The following CC2D1A variants were observed in gnomAD, a reference collection of about 807,000 sequenced individuals.
CC2D1A encodes the protein coiled-coil and C2 domain-containing protein 1A.
In CC2D1A, 68 loss-of-function variants were observed where a neutral mutation model predicts 123.8. That is an observed-to-expected ratio of 0.55 (90% confidence interval 0.45 to 0.67). The LOEUF (loss-of-function observed/expected upper bound fraction) is 0.67, where lower values mean the gene tolerates loss of function less well. CC2D1A is among the 30% of genes least tolerant of loss of function. The pLI is 0.00. For synonymous variants in CC2D1A, 477 were observed against 528.0 expected (o/e 0.90, Z 1.32); for missense variants, 1,185 against 1,290.3 (o/e 0.92, Z 1.25).
intron 17 of CC2D1A, among the ~76,000 whole-genome samples, chr19:13,925,670 G>A (rs1303427225): frequency 6.6e-6 from 1 of 151,496 alleles, no homozygotes; most frequent in Admixed American, 6.6e-5. Flanking sequence ...ATTAAGTGAG[G>A]CCAGGCTGGG....
At position 13,930,472 on chromosome 19, in the gene CC2D1A, C is replaced by A; in HGVS notation, c.*77C>A. ...CGGGAAGAGCCGACACAGCCACGAA[C>A]CAGACAAGCAGACAATCAGCGGACA... is the stretch of plus-strand genomic sequence containing the variant. On this transcript the variant is annotated 3_prime_UTR_variant, in exon 29 of 29. Transcript: ENST00000318003. The surrounding 1 kb of genome is among the most constrained non-coding windows in gnomAD (Gnocchi z 6.8). 6.9e-7 allele frequency: 1 copy of A among 1,454,182 alleles called. No individual in the cohort carries two copies. Among genetic ancestry groups the A allele is most frequent in the Non-Finnish European group, 9.2e-7 (1 of 1,086,568 alleles). 90.1% of individuals were successfully genotyped at this position (1,454,182 alleles called of 1,614,324 possible). A position where few individuals can be genotyped will look rare whatever the true frequency, so the allele number is the denominator to read the frequency against.
intron 17 of CC2D1A, 139 bp from the exon 18 acceptor site, chr19:13,926,378 C>T (rs1249352058): frequency 3.0e-6 from 2 of 666,262 alleles, no homozygotes; most frequent in East Asian, 5.4e-5. Context: ...TAAAATGAGC[C>T]CAGGAGCTGA....
chr19:13,906,364 C>T lies in CC2D1A; in HGVS notation c.-78C>T, dbSNP rs563752635. The stretch of plus-strand genomic sequence containing the variant: ...GTGCAGGACTCAGGAAGGGCGAGTG[C>T]GCGGCGACAGAGCCCGGGGAAGGAG... On this transcript the variant is annotated 5_prime_UTR_variant, in exon 1 of 29. Transcript: ENST00000318003. The surrounding 1 kb of genome is among the most constrained non-coding windows in gnomAD (Gnocchi z 4.1). 1.5e-5 allele frequency: 18 copies of T among 1,227,130 alleles called. No homozygotes were observed. The South Asian group carries it at 1.5e-4, about 10-fold the overall frequency. 76.0% of individuals were successfully genotyped at this position (1,227,130 alleles called of 1,614,324 possible). A position where few individuals can be genotyped will look rare whatever the true frequency, so the allele number is the denominator to read the frequency against.
Position 13,906,742 on chromosome 19 carries a change from G to A in CC2D1A, c.60+241G>A, listed in dbSNP as rs535079081. ...TGTTGCCACAGCTGCTCCAGTCGAG[G>A]AGGGGCAGTCCTCGGACTTGACACA... On this transcript the variant is annotated intron_variant, in intron 1 of 28. Transcript: ENST00000318003. The surrounding 1 kb of genome is among the most constrained non-coding windows in gnomAD (Gnocchi z 4.1). Among the ~76,000 whole-genome samples the A allele has an allele frequency of 2.0e-5, 3 of 152,366 alleles. No homozygotes were observed. The highest frequency in any genetic ancestry group is 7.2e-5 in the African/African-American group (3 of 41,592).
intron 22 of CC2D1A, 97 bp from the exon 23 acceptor site, chr19:13,927,795 AC>A: frequency 4.9e-6 from 6 of 1,235,684 alleles, no homozygotes; most frequent in African/African-American, 3.3e-5. Context: ...AAAAAAAAAA[AC>A]CAAAAAAAAA....
At chr19:13,916,488 T>C (rs1397668988) in intron 6 of CC2D1A, among the ~76,000 whole-genome samples, 2 of 151,798 alleles carry the variant, frequency 1.3e-5, no homozygotes, top group African/African-American at 4.8e-5. Context: ...CACTTGAGCC[T>C]GGAAGGTTGA....
At chr19:13,928,497 AG>A (rs1459380291) in intron 24 of CC2D1A, among the ~76,000 whole-genome samples, 1 of 151,250 alleles carries the variant, frequency 6.6e-6, no homozygotes, top group African/African-American at 2.4e-5. Context: ...ACCCCTACCT[AG>A]GGTAGGGGTG....
chr19:13,910,012 G>A (rs1029154131), intron 2 of CC2D1A, 54 bp downstream of exon 2: 40 of 1,480,646 alleles, frequency 2.7e-5, no homozygotes, highest in South Asian at 2.2e-4. Context: ...CAAGTGGTTC[G>A]GGCGCAGAAC....
chr19:13,927,869 C>G (rs1971702032), intron 22 of CC2D1A, 24 bp from the exon 23 acceptor site: 1 of 1,610,142 alleles, frequency 6.2e-7, no homozygotes. Flanking sequence ...TTCCCACCAA[C>G]AGTTTCTCCT....
chr19:13,930,362 T>A lies in CC2D1A; in HGVS notation c.2836-13T>A, dbSNP rs753106611. ...GCCCACCTCCATGACCCCAGTGGCC[T>A]CCTCTCCCCCAGCTGCAGCGGCTCC... is the stretch of plus-strand genomic sequence containing the variant. On this transcript the variant is annotated splice_polypyrimidine_tract_variant and intron_variant, in intron 28 of 28. Coordinates refer to ENST00000318003, the MANE Select transcript of CC2D1A (RefSeq NM_017721.5). The surrounding 1 kb of genome is among the most constrained non-coding windows in gnomAD (Gnocchi z 6.8). The A allele has an allele frequency of 1.9e-6, 3 of 1,613,268 alleles. No individual in the cohort carries two copies. In the East Asian group the frequency reaches 6.7e-5, roughly 36 times the overall value.
At position 13,906,778 on chromosome 19, in the gene CC2D1A, G is replaced by C. The variant is rs1406326745; in HGVS notation, c.60+277G>C. Among the ~76,000 whole-genome samples, 1 of 152,216 alleles carries C rather than the reference G, an allele frequency of 6.6e-6. No individual in the cohort carries two copies. The highest frequency in any genetic ancestry group is 1.9e-4 in the East Asian group (1 of 5,194). ...CTCGGACTTGACACATCAAACCCTT[G>C]CATCAGTCGGGCCATGTCAGACTCT... is the stretch of plus-strand genomic sequence containing the variant. On this transcript the variant is annotated intron_variant, in intron 1 of 28. Coordinates refer to ENST00000318003, the MANE Select transcript of CC2D1A (RefSeq NM_017721.5). This position sits in a 1 kb window ranked among gnomAD's most constrained non-coding sequence, Gnocchi z 4.1.
rs372520417 is a variant in CC2D1A at position 13,930,190 on chromosome 19, C to T, written c.2787+36C>T. 128 of 1,612,908 alleles carry T rather than the reference C, an allele frequency of 7.9e-5. No homozygotes were observed. The African/African-American group carries it at 1.4e-3, about 18-fold the overall frequency. ...CGCGGGCCGGGTGGGCACTGGGCAG[C>T]GGGCAGGGTGGGGCCTGCAGGGACT... On this transcript the variant is annotated intron_variant, in intron 27 of 28. Coordinates refer to ENST00000318003, the MANE Select transcript of CC2D1A (RefSeq NM_017721.5). This position sits in a 1 kb window ranked among gnomAD's most constrained non-coding sequence, Gnocchi z 6.8.
rs777747040 is a variant in CC2D1A at position 13,919,803 on chromosome 19, C to G, written c.1223-15C>G. ...ATCCTGACACACAATAACCAGGCCT[C>G]GACTGGCCACCCAGGCTTCCCCCCA... On this transcript the variant is annotated splice_polypyrimidine_tract_variant and intron_variant, in intron 11 of 28. Transcript: ENST00000318003. The G allele has an allele frequency of 5.7e-6, 9 of 1,588,800 alleles. No homozygotes were observed. Among genetic ancestry groups the G allele is most frequent in the Middle Eastern group, 4.5e-4 (2 of 4,458 alleles).
rs759697215 is a variant in CC2D1A, at chr19:13,928,048, C to T, written c.2454+18C>T. 6.2e-7 allele frequency: 1 copy of T among 1,613,166 alleles called. No homozygotes were observed. ...TGCCCACAGTGAGACCCCCCACCCC[C>T]ACCCATCAGCAACCCCAGGGAGGGA... On this transcript the variant is annotated intron_variant, in intron 23 of 28. Transcript: ENST00000318003.
chr19:13,925,535 G>A (rs974092584), intron 17 of CC2D1A, among the ~76,000 whole-genome samples: 2 of 151,680 alleles, frequency 1.3e-5, no homozygotes, highest in African/African-American at 4.8e-5. Context: ...AGCAGAGATC[G>A]CACTGCACTC....
chr19:13,929,546 A>G lies in CC2D1A; in HGVS notation c.2596A>G (p.Arg866Gly). Residue 866 changes from arginine to glycine, a missense_variant, in exon 26 of 29, where the codon AGG becomes GGG. By Grantham distance (125) the Arg-to-Gly change is moderately radical. Coordinates refer to ENST00000318003, the MANE Select transcript of CC2D1A (RefSeq NM_017721.5). ...CTGTATCCTCTAGATCCTGGCCCTC[A>G]GGCAGGCGCGGCGGCCGGTGCCCCC... ...ERLERKILALRQARRPVPPEV... is the reference protein window; with the variant it reads ...ERLERKILALGQARRPVPPEV... 6.2e-7 allele frequency: 1 copy of G among 1,611,558 alleles called. No individual in the cohort carries two copies. Among genetic ancestry groups the G allele is most frequent in the Non-Finnish European group, 8.5e-7 (1 of 1,179,696 alleles).
At position 13,930,439 on chromosome 19, in the gene CC2D1A, C is replaced by T. The variant is rs536924861; in HGVS notation, c.*44C>T. ...AGCCCCCAGAAAGCGGGCAGCAGGC[C>T]CCGATACCGGGAAGAGCCGACACAG... On this transcript the variant is annotated 3_prime_UTR_variant, in exon 29 of 29. Coordinates refer to ENST00000318003, the MANE Select transcript of CC2D1A (RefSeq NM_017721.5). The surrounding 1 kb of genome is among the most constrained non-coding windows in gnomAD (Gnocchi z 6.8). The T allele has an allele frequency of 6.4e-6, 10 of 1,561,548 alleles. No individual in the cohort carries two copies. In the South Asian group the frequency reaches 1.2e-4, roughly 18 times the overall value.
At chr19:13,921,594 A>G (rs1271715093) in intron 14 of CC2D1A, among the ~76,000 whole-genome samples, 2 of 151,646 alleles carry the variant, frequency 1.3e-5, no homozygotes, top group East Asian at 1.9e-4. Context: ...CTGGGCGCCC[A>G]GCAAAGGCCA....
intron 6 of CC2D1A, among the ~76,000 whole-genome samples, chr19:13,915,791 A>C (rs1225788045): frequency 6.6e-6 from 1 of 152,024 alleles, no homozygotes; most frequent in Non-Finnish European, 1.5e-5. Context: ...TGATCGTGCC[A>C]CTCCAAGTCT....
Sources: allele counts gnomAD v4.1 joint callset (sites outside exome capture counted in the v4.1 genomes callset), GRCh38; gene constraint gnomAD v4.1.1; non-coding constraint Gnocchi (gnomAD v3.1); transcripts MANE v1.5; gene names NCBI Gene and HGNC (gene_info 2026-07-23, HGNC 2026-07-21).